Variants in CAMKMT observed in about 807,000 individuals in gnomAD.
CAMKMT encodes CaM KMT.
CAMKMT carries 53 observed loss-of-function variants against 48.0 expected under a neutral mutation model. The observed-to-expected ratio is 1.10, with a 90% CI of 0.89 to 1.39. CAMKMT has a LOEUF of 1.39. Ranked by LOEUF, CAMKMT falls within the 40% of genes most tolerant of loss-of-function variation. The pLI is 0.00. For synonymous variants in CAMKMT, 165 were observed against 152.3 expected (o/e 1.08, Z -0.61); for missense variants, 428 against 402.7 (o/e 1.06, Z -0.54).
chr2:44,547,405 G>A (rs1667466592), intron 3 of CAMKMT, among the ~76,000 whole-genome samples: 1 of 152,104 alleles, frequency 6.6e-6, no homozygotes, highest in South Asian at 2.1e-4. Context: ...ATGCCTGTGG[G>A]GCTACTCCGA....
intron 3 of CAMKMT, among the ~76,000 whole-genome samples, chr2:44,441,013 T>C (rs1572882396): frequency 6.6e-6 from 1 of 152,212 alleles, no homozygotes; most frequent in African/African-American, 2.4e-5. Context: ...TGAAAGTTCC[T>C]ACTTTGTGCT....
intron 3 of CAMKMT, among the ~76,000 whole-genome samples, chr2:44,418,729 C>T (rs936898067): frequency 4.6e-5 from 7 of 152,116 alleles, no homozygotes; most frequent in African/African-American, 1.7e-4. Flanking sequence ...ATTCTAGGTT[C>T]TTGCATTTCC....
chr2:44,725,143 C>CGTGTGTGTGTGTGTGTGT lies in CAMKMT; in HGVS notation c.623+9811_623+9828dup, dbSNP rs4039394. On this transcript the variant is annotated intron_variant, in intron 7 of 10. Coordinates refer to ENST00000378494, the MANE Select transcript of CAMKMT (RefSeq NM_024766.5). ...TTACAGCATTGTCTTGCTTTCTGGA[C>CGTGTGTGTGTGTGTGTGT]GTGTGTGTGTGTGTGTGTGTGTGTG... is the stretch of plus-strand genomic sequence containing the variant. Among the ~76,000 whole-genome samples the CGTGTGTGTGTGTGTGTGT allele has an allele frequency of 8.5e-4, 120 of 140,646 alleles. 1 individual carries two copies. The highest frequency in any genetic ancestry group is 2.4e-3 in the Admixed American group (34 of 14,108). 92.3% of individuals were successfully genotyped at this position (140,646 alleles called of 152,430 possible).
chr2:44,468,877 C>T (rs1478370626), intron 3 of CAMKMT, among the ~76,000 whole-genome samples: 4 of 152,138 alleles, frequency 2.6e-5, no homozygotes, highest in Admixed American at 6.6e-5. Context: ...ATGATTGCTC[C>T]ATTGTACTAC....
chr2:44,771,496 TTC>T (rs398104255), intron 10 of CAMKMT, among the ~76,000 whole-genome samples: 2 of 149,954 alleles, frequency 1.3e-5, no homozygotes, highest in African/African-American at 4.9e-5. Flanking sequence ...TTGGAGTATG[TTC>T]TCCTCCTCAG....
intron 3 of CAMKMT, among the ~76,000 whole-genome samples, chr2:44,700,369 C>A (rs975471507): frequency 6.6e-6 from 1 of 152,202 alleles, no homozygotes; most frequent in Non-Finnish European, 1.5e-5. Context: ...CTTTTACATT[C>A]ACAACTTGTC....
At chr2:44,604,574 T>A (rs889154944) in intron 3 of CAMKMT, among the ~76,000 whole-genome samples, 1 of 150,490 alleles carries the variant, frequency 6.6e-6, no homozygotes, top group Admixed American at 6.7e-5. Flanking sequence ...TTTTTTTTTT[T>A]AACATTTTTA....
chr2:44,486,290 T>C (rs1669213853), intron 3 of CAMKMT, among the ~76,000 whole-genome samples: 1 of 152,206 alleles, frequency 6.6e-6, no homozygotes, highest in African/African-American at 2.4e-5. Flanking sequence ...TCTGTGATAA[T>C]TCTTTCAGCC....
intron 7 of CAMKMT, among the ~76,000 whole-genome samples, chr2:44,736,668 C>T (rs1413392592): frequency 6.6e-6 from 1 of 152,154 alleles, no homozygotes; most frequent in Non-Finnish European, 1.5e-5. Flanking sequence ...TTAAAATTGT[C>T]CCACAGCTCA....
intron 3 of CAMKMT, among the ~76,000 whole-genome samples, chr2:44,481,035 A>G (rs1050862118): frequency 6.6e-6 from 1 of 151,962 alleles, no homozygotes; most frequent in Non-Finnish European, 1.5e-5. Context: ...ATATGAATAC[A>G]TTTATTCAAT....
At chr2:44,422,170 G>C (rs896614748) in intron 3 of CAMKMT, among the ~76,000 whole-genome samples, 12 of 152,164 alleles carry the variant, frequency 7.9e-5, no homozygotes, top group Middle Eastern at 3.2e-3. Context: ...TACAGAATCT[G>C]GTTGTTTAAA....
At chr2:44,722,666 TA>T (rs375287605) in intron 7 of CAMKMT, among the ~76,000 whole-genome samples, 2 of 152,182 alleles carry the variant, frequency 1.3e-5, no homozygotes, top group East Asian at 1.9e-4. Flanking sequence ...TTTGAAACAT[TA>T]AAAAAAGGAA....
chr2:44,587,767 C>T (rs1289335774), intron 3 of CAMKMT, among the ~76,000 whole-genome samples: 2 of 137,596 alleles, frequency 1.5e-5, no homozygotes, highest in African/African-American at 2.7e-5. Context: ...GACGGAGTCT[C>T]GTTCACTCAG....
At chr2:44,751,649 T>C (rs868588146) in intron 8 of CAMKMT, among the ~76,000 whole-genome samples, 3 of 152,228 alleles carry the variant, frequency 2.0e-5, no homozygotes, top group African/African-American at 4.8e-5. Context: ...CTCCCTGTTA[T>C]ACTGTAACCT....
rs139107969 is a variant in CAMKMT, at chr2:44,493,538, A to T, written c.376+103233A>T. ...TGGTTTAAAAAATTATTTGATAATA[A>T]TGATTTTGCTTTTTGTTTTTATTCT... On this transcript the variant is annotated intron_variant, in intron 3 of 10. Transcript: ENST00000378494. Among the ~76,000 whole-genome samples the T allele has an allele frequency of 1.4e-4, 21 of 152,294 alleles. No homozygotes were observed. In the East Asian group the frequency reaches 3.5e-3, roughly 25 times the overall value.
At chr2:44,527,846 A>T (rs1454520686) in intron 3 of CAMKMT, among the ~76,000 whole-genome samples, 1 of 129,104 alleles carries the variant, frequency 7.7e-6, no homozygotes, top group East Asian at 2.4e-4. Context: ...TGATGAACCT[A>T]CCTTGACACA....
rs1409501095 is a variant in CAMKMT, at chr2:44,696,111, T to G, written c.377-8172T>G. ...GCGTACACCACCATGCCTGGCTAAT[T>G]TTTGTATTTTTAGTAGAAACGGGGT... On this transcript the variant is annotated intron_variant, in intron 3 of 10. Transcript: ENST00000378494. Among the ~76,000 whole-genome samples the G allele has an allele frequency of 4.0e-5, 6 of 151,734 alleles. No individual in the cohort carries two copies. The East Asian group carries it at 1.2e-3, about 29-fold the overall frequency.
intron 3 of CAMKMT, among the ~76,000 whole-genome samples, chr2:44,464,684 T>A (rs761700494): frequency 8.4e-4 from 128 of 152,110 alleles, no homozygotes; most frequent in Non-Finnish European, 1.6e-3. Context: ...ATACTAAAAG[T>A]GCTGAAAGAA....
At position 44,738,330 on chromosome 2, in the gene CAMKMT, G is replaced by A. The variant is rs374786230; in HGVS notation, c.624-5292G>A. ...GATGTTCAGTGTCTTGAAAACTATT[G>A]TTTTATATGTTTTGTGTAGGTTTTC... On this transcript the variant is annotated intron_variant, in intron 7 of 10. Coordinates refer to ENST00000378494, the MANE Select transcript of CAMKMT (RefSeq NM_024766.5). 5.9e-4 allele frequency among the ~76,000 whole-genome samples: 90 copies of A among 152,268 alleles called. 3 individuals are homozygous for A. The South Asian group carries it at 0.018, about 31-fold the overall frequency.
Sources: gnomAD v4.1 joint callset for allele counts (sites outside exome capture counted in the v4.1 genomes callset) on GRCh38, gnomAD v4.1.1 for gene constraint, MANE v1.5 for transcripts, NCBI Gene and HGNC (gene_info 2026-07-23, HGNC 2026-07-21) for gene names.